Variants in DHX57 observed in about 807,000 individuals in gnomAD.
The protein encoded by DHX57 is DExH-box helicase 57, also known as putative ATP-dependent RNA helicase DHX57.
A neutral mutation model predicts 156.2 loss-of-function variants in DHX57; 105 were observed. That is an observed-to-expected ratio of 0.67 (90% CI 0.57 to 0.79). The LOEUF (loss-of-function observed/expected upper bound fraction) is 0.79, where lower values mean the gene tolerates loss of function less well. Ranked by LOEUF, DHX57 falls within the 30% of genes least tolerant of loss-of-function variation. The pLI is 0.00. For missense variants in DHX57, 1,847 were observed against 1,661.9 expected (o/e 1.11, Z -1.94); for synonymous variants, 704 against 595.6 (o/e 1.18, Z -2.65).
intron 11 of DHX57, among the ~76,000 whole-genome samples, chr2:38,846,093 C>T (rs573950394): frequency 7.8e-4 from 119 of 152,110 alleles, no homozygotes; most frequent in African/African-American, 2.6e-3. Context: ...CTTGAACTCC[C>T]GCCCTCAGGT....
rs148743478 is a variant in DHX57 at position 38,874,368 on chromosome 2, G to A, written c.-7+1419C>T. ...GGCCTCCCAAAGTGCTGAGATTACC[G>A]GCATGAGCCACTGTGCCTAGTTGAA... On this transcript the variant is annotated intron_variant, in intron 1 of 23. Coordinates refer to ENST00000457308, the MANE Select transcript of DHX57 (RefSeq NM_198963.3). Among the ~76,000 whole-genome samples, 36 of 150,250 alleles carry A rather than the reference G, an allele frequency of 2.4e-4. No homozygotes were observed. In the East Asian group the frequency reaches 7.1e-3, roughly 30 times the overall value.
rs780793290 is a variant in DHX57 at position 38,837,955 on chromosome 2, A to C, written c.2426-8T>G. 6.4e-7 allele frequency: 1 copy of C among 1,551,428 alleles called. No homozygotes were observed. Among genetic ancestry groups the C allele is most frequent in the East Asian group, 2.2e-5 (1 of 44,552 alleles). ...TGACTGACTTGCTAACCCCTGAAAGAAAGAAAGGTAAAAATGAGAAGGATA... is the reference window on the plus strand; with the variant it reads ...TGACTGACTTGCTAACCCCTGAAAGCAAGAAAGGTAAAAATGAGAAGGATA... On this transcript the variant is annotated splice_polypyrimidine_tract_variant and splice_region_variant and intron_variant, in intron 12 of 23. Transcript: ENST00000457308.
rs752260583 is a variant in DHX57 at position 38,843,186 on chromosome 2, TG to T, written c.2243del (p.Pro748HisfsTer6). The T allele has an allele frequency of 1.9e-6, 3 of 1,613,988 alleles. No individual in the cohort carries two copies. The highest frequency in any genetic ancestry group is 1.3e-5 in the African/African-American group (1 of 74,938). ...VTRYVLQDGS[P>X]YMRSMKQISK... Reference sequence around the variant, plus strand: ...AAATCTGTTTCATGGACCGCATATATGGGCTCCCATCCTGTAATACATACCT... The same window carrying T: ...AAATCTGTTTCATGGACCGCATATATGGCTCCCATCCTGTAATACATACCT... On this transcript the variant is annotated frameshift_variant, in exon 12 of 24. Coordinates refer to ENST00000457308, the MANE Select transcript of DHX57 (RefSeq NM_198963.3). LOFTEE classifies it high-confidence loss of function.
chr2:38,799,192 C>T (rs1047435288), intron 23 of DHX57, among the ~76,000 whole-genome samples: 2 of 151,224 alleles, frequency 1.3e-5, no homozygotes, highest in African/African-American at 2.4e-5. Flanking sequence ...GGAGAAACCC[C>T]GTCTCTTAGT....
chr2:38,804,314 G>A (rs1209886879), intron 22 of DHX57, among the ~76,000 whole-genome samples: 1 of 151,978 alleles, frequency 6.6e-6, no homozygotes, highest in African/African-American at 2.4e-5. Flanking sequence ...AACATGGTGA[G>A]ACCCCGTCTC....
rs774449858 is a variant in DHX57, at chr2:38,825,954, T to G, written c.2907A>C (p.Ala969=). 5.0e-6 allele frequency: 8 copies of G among 1,614,094 alleles called. No individual in the cohort carries two copies. The highest frequency in any genetic ancestry group is 3.3e-5 in the Admixed American group (2 of 60,004). Residue 969 remains alanine (A), a synonymous_variant, in exon 16 of 24, where the codon GCA becomes GCC. Transcript: ENST00000457308. ...TGAATAAATGGAAGCAGACCCCAGA[T>G]GCAACACGGCCTGCTCGGCCTTTCC... ...LQRKGRAGRV[A]SGVCFHLFTS... is the part of the protein sequence containing the mutation.
At chr2:38,807,420 T>G (rs6756730) in intron 21 of DHX57, among the ~76,000 whole-genome samples, 1 of 151,712 alleles carries the variant, frequency 6.6e-6, no homozygotes, top group African/African-American at 2.4e-5. Context: ...TGCAGTGAAG[T>G]GATCTGGGCT....
chr2:38,798,207 C>T lies in DHX57; in HGVS notation c.*92G>A. The stretch of plus-strand genomic sequence containing the variant: ...TGGGCTCCTCCACCAGGGCCAGCCC[C>T]AATAGGTCTTTAGTTCGAGGTAGAG... On this transcript the variant is annotated 3_prime_UTR_variant, in exon 24 of 24. Transcript: ENST00000457308. 1 of 1,518,976 alleles carries T rather than the reference C, an allele frequency of 6.6e-7. No individual in the cohort carries two copies. Among genetic ancestry groups the T allele is most frequent in the South Asian group, 1.3e-5 (1 of 74,286 alleles). The allele number at this position is 1,518,976 out of a possible 1,614,324, so 94.1% of individuals were successfully genotyped here.
At chr2:38,829,459 GAC>G (rs1671269877) in intron 13 of DHX57, among the ~76,000 whole-genome samples, 1 of 151,690 alleles carries the variant, frequency 6.6e-6, no homozygotes, top group African/African-American at 2.4e-5. Context: ...TTTTAGTAGA[GAC>G]AGGTTTCACC....
intron 22 of DHX57, among the ~76,000 whole-genome samples, chr2:38,803,813 G>T (rs954614995): frequency 2.2e-5 from 3 of 135,160 alleles, no homozygotes; most frequent in African/African-American, 8.5e-5. Context: ...ATGCAGTCTC[G>T]CTCTGTCACC....
chr2:38,802,729 C>T lies in DHX57; in HGVS notation c.4003G>A (p.Ala1335Thr). 2 of 1,614,110 alleles carry T rather than the reference C, an allele frequency of 1.2e-6. No individual in the cohort carries two copies. The highest frequency in any genetic ancestry group is 2.2e-5 in the South Asian group (2 of 91,078). ...SLDDGWIRFV[A>T]ASHQVAELVK... ...TCTGCCTTTACCTGATGGGAAGCAGCTACAAAACGGATCCAACCATCATCC... is the reference window on the plus strand; with the variant it reads ...TCTGCCTTTACCTGATGGGAAGCAGTTACAAAACGGATCCAACCATCATCC... The change falls in exon 23 of 24, where the codon GCT (alanine) becomes ACT (threonine). Residue 1335 changes from alanine (A) to threonine (T), a missense_variant. Coordinates refer to ENST00000457308, the MANE Select transcript of DHX57 (RefSeq NM_198963.3).
chr2:38,823,280 A>C lies in DHX57; in HGVS notation c.3015-11T>G, dbSNP rs766064807. ...TCTAAAATTTTAATTCTGAAAAGGA[A>C]ACAAAATAATAATTTGTCAATTTTA... On this transcript the variant is annotated splice_polypyrimidine_tract_variant and intron_variant, in intron 16 of 23. Transcript: ENST00000457308. The C allele has an allele frequency of 6.2e-7, 1 of 1,606,624 alleles. No homozygotes were observed. The highest frequency in any genetic ancestry group is 1.3e-5 in the African/African-American group (1 of 74,822).
At chr2:38,865,986 T>C (rs758000997) in intron 2 of DHX57, among the ~76,000 whole-genome samples, 1 of 152,164 alleles carries the variant, frequency 6.6e-6, no homozygotes, top group Non-Finnish European at 1.5e-5. Flanking sequence ...CAAAGGTTCC[T>C]GGCTGGGAGG....
intron 21 of DHX57, chr2:38,811,326 T>G (rs1295754713): frequency 1.9e-6 from 1 of 526,260 alleles, no homozygotes; most frequent in East Asian, 4.5e-5. Flanking sequence ...CCCATGGCAC[T>G]GTGGGACACA....
chr2:38,828,806 CAT>C (rs1198742675), intron 13 of DHX57, among the ~76,000 whole-genome samples: 1 of 151,772 alleles, frequency 6.6e-6, no homozygotes, highest in African/African-American at 2.4e-5. Context: ...TAAATAACTA[CAT>C]GTTTTATATA....
chr2:38,843,869 A>C (rs1672136148), intron 11 of DHX57, among the ~76,000 whole-genome samples: 1 of 151,894 alleles, frequency 6.6e-6, no homozygotes, highest in Non-Finnish European at 1.5e-5. Flanking sequence ...AAGTGGCTCG[A>C]TTTTTTTTCC....
At chr2:38,871,500 AGTC>A (rs778208064) in intron 1 of DHX57, among the ~76,000 whole-genome samples, 4 of 152,218 alleles carry the variant, frequency 2.6e-5, no homozygotes, top group Non-Finnish European at 5.9e-5. Context: ...TATCTGTCTT[AGTC>A]TGTTTTCTGC....
intron 3 of DHX57, chr2:38,863,037 A>G (rs776904017): frequency 1.8e-4 from 38 of 206,244 alleles, no homozygotes; most frequent in Non-Finnish European, 3.2e-4. Flanking sequence ...GACCGAGTCA[A>G]TATTTGCTCA....
chr2:38,866,754 C>T (rs1053600052), intron 2 of DHX57, among the ~76,000 whole-genome samples: 10 of 152,180 alleles, frequency 6.6e-5, no homozygotes, highest in Non-Finnish European at 8.8e-5. Context: ...TATGGAGCTG[C>T]AGCTAACTCA....
Sources: allele counts gnomAD v4.1 joint callset (sites outside exome capture counted in the v4.1 genomes callset), GRCh38; gene constraint gnomAD v4.1.1; transcripts MANE v1.5; gene names NCBI Gene and HGNC (gene_info 2026-07-23, HGNC 2026-07-21).